The following NKAIN2 variants were observed in gnomAD, a reference collection of about 807,000 sequenced individuals.
NKAIN2 encodes sodium/potassium transporting ATPase interacting 2.
A neutral mutation model predicts 32.6 loss-of-function variants in NKAIN2; 14 were observed. That is an observed-to-expected ratio of 0.43 (90% confidence interval 0.28 to 0.67). NKAIN2 has a LOEUF of 0.67. Ranked by LOEUF, NKAIN2 falls within the 30% of genes least tolerant of loss-of-function variation. The pLI is 0.17. For synonymous variants in NKAIN2, 80 were observed against 87.2 expected (o/e 0.92, Z 0.46); for missense variants, 198 against 258.3 (o/e 0.77, Z 1.60).
At chr6:124,592,483 A>G (rs1781947210) in intron 3 of NKAIN2, among the ~76,000 whole-genome samples, 1 of 152,164 alleles carries the variant, frequency 6.6e-6, no homozygotes, top group Non-Finnish European at 1.5e-5. Context: ...TCTTTTGCAT[A>G]ATTATTTTGA....
chr6:124,404,120 G>A (rs950075826), intron 3 of NKAIN2, among the ~76,000 whole-genome samples: 1 of 151,968 alleles, frequency 6.6e-6, no homozygotes, highest in African/African-American at 2.4e-5. Flanking sequence ...TGAGTCTTAG[G>A]ATAATTTTTA....
intron 3 of NKAIN2, among the ~76,000 whole-genome samples, chr6:124,582,167 G>A (rs1781547850): frequency 6.6e-6 from 1 of 151,432 alleles, no homozygotes; most frequent in Non-Finnish European, 1.5e-5. Context: ...AATAAAACCA[G>A]AGATAAAAAA....
chr6:124,320,819 C>G (rs190966122), intron 2 of NKAIN2, among the ~76,000 whole-genome samples: 1 of 152,290 alleles, frequency 6.6e-6, no homozygotes, highest in East Asian at 1.9e-4. Context: ...GCTGTGAAGA[C>G]TTTTTGGGTG....
At chr6:124,414,176 A>G (rs1774354714) in intron 3 of NKAIN2, among the ~76,000 whole-genome samples, 1 of 152,122 alleles carries the variant, frequency 6.6e-6, no homozygotes, top group Admixed American at 6.5e-5. Context: ...TTTTTGGTAA[A>G]TGCTCTTTAT....
intron 3 of NKAIN2, among the ~76,000 whole-genome samples, chr6:124,575,670 C>A (rs1781303274): frequency 6.6e-6 from 1 of 152,120 alleles, no homozygotes; most frequent in African/African-American, 2.4e-5. Context: ...TTGCTTAGGC[C>A]AGTGAAAACT....
At chr6:124,528,381 A>G (rs1779398183) in intron 3 of NKAIN2, among the ~76,000 whole-genome samples, 1 of 152,182 alleles carries the variant, frequency 6.6e-6, no homozygotes, top group Admixed American at 6.5e-5. Flanking sequence ...TGGGTCACAT[A>G]CTGTAGTGCA....
intron 3 of NKAIN2, among the ~76,000 whole-genome samples, chr6:124,421,074 TAAAA>T (rs35625714): frequency 0.048 from 6,402 of 133,744 alleles, 239 homozygotes; most frequent in Non-Finnish European, 0.069. Context: ...CTGTCAAAAT[TAAAA>T]AAAAAAAAAA....
At chr6:124,134,468 A>G (rs902832840) in intron 1 of NKAIN2, among the ~76,000 whole-genome samples, 2 of 152,116 alleles carry the variant, frequency 1.3e-5, no homozygotes, top group African/African-American at 4.8e-5. Flanking sequence ...GGTGGATCAC[A>G]TGCTCAGGAG....
intron 1 of NKAIN2, among the ~76,000 whole-genome samples, chr6:123,974,686 T>G (rs1778477651): frequency 6.6e-6 from 1 of 152,130 alleles, no homozygotes; most frequent in African/African-American, 2.4e-5. Context: ...CATAGAAAGG[T>G]CAGCTAACAC....
chr6:123,994,084 G>A (rs1361955551), intron 1 of NKAIN2, among the ~76,000 whole-genome samples: 1 of 152,100 alleles, frequency 6.6e-6, no homozygotes, highest in Admixed American at 6.6e-5. Flanking sequence ...GTTTTCTACT[G>A]AGAGTAGAAT....
intron 1 of NKAIN2, among the ~76,000 whole-genome samples, chr6:123,961,817 T>C (rs1777865931): frequency 1.3e-5 from 2 of 152,176 alleles, no homozygotes; most frequent in Non-Finnish European, 2.9e-5. Context: ...CACAAACTTT[T>C]GGTGACTACA....
At chr6:124,810,384 C>CA in intron 5 of NKAIN2, among the ~76,000 whole-genome samples, 1 of 151,676 alleles carries the variant, frequency 6.6e-6, no homozygotes, top group Non-Finnish European at 1.5e-5. Context: ...ATCACAAGAA[C>CA]AAAAAACCAA....
intron 4 of NKAIN2, among the ~76,000 whole-genome samples, chr6:124,686,190 T>A (rs753241685): frequency 1.6e-4 from 25 of 152,160 alleles, no homozygotes; most frequent in Non-Finnish European, 3.2e-4. Context: ...ATATTGCAGC[T>A]TGTTTCTTGA....
chr6:124,579,549 G>A (rs1781449711), intron 3 of NKAIN2, among the ~76,000 whole-genome samples: 1 of 152,108 alleles, frequency 6.6e-6, no homozygotes, highest in African/African-American at 2.4e-5. Context: ...AATACACAGA[G>A]CAGACAAAAG....
At chr6:123,896,071 C>T (rs1424970700) in intron 1 of NKAIN2, among the ~76,000 whole-genome samples, 1 of 152,124 alleles carries the variant, frequency 6.6e-6, no homozygotes, top group Non-Finnish European at 1.5e-5. Flanking sequence ...ATCTCAGACA[C>T]GTAACATTAA....
intron 1 of NKAIN2, among the ~76,000 whole-genome samples, chr6:124,122,355 A>G (rs149803075): frequency 6.6e-6 from 1 of 152,232 alleles, no homozygotes; most frequent in Non-Finnish European, 1.5e-5. Context: ...ATAAGCAAGC[A>G]TATGTTCAAT....
chr6:124,411,862 A>C (rs572697478), intron 3 of NKAIN2, among the ~76,000 whole-genome samples: 1 of 152,084 alleles, frequency 6.6e-6, no homozygotes, highest in Non-Finnish European at 1.5e-5. Flanking sequence ...TCCATATTTC[A>C]TGGAGGCTTT....
At position 124,207,384 on chromosome 6, in the gene NKAIN2, A is replaced by C. The variant is rs1267757887; in HGVS notation, c.55-75621A>C. On this transcript the variant is annotated intron_variant, in intron 1 of 6. Transcript: ENST00000368417. ...AAGGGGCTCTTATCTTAATCTCTTTATAATTTTAAGGATACTTTCTAAATT... is the reference window on the plus strand; with the variant it reads ...AAGGGGCTCTTATCTTAATCTCTTTCTAATTTTAAGGATACTTTCTAAATT... Among the ~76,000 whole-genome samples, 16 of 151,406 alleles carry C rather than the reference A, an allele frequency of 1.1e-4. No homozygotes were observed. The Admixed American group carries it at 1.1e-3, about 10-fold the overall frequency.
At chr6:124,740,507 G>C (rs1777156852) in intron 4 of NKAIN2, among the ~76,000 whole-genome samples, 1 of 149,194 alleles carries the variant, frequency 6.7e-6, no homozygotes, top group South Asian at 2.1e-4. Flanking sequence ...AACTGAGCAT[G>C]GTACAGAAAC....
Sources: allele counts gnomAD v4.1 joint callset (sites outside exome capture counted in the v4.1 genomes callset), GRCh38; gene constraint gnomAD v4.1.1; transcripts MANE v1.5; gene names NCBI Gene and HGNC (gene_info 2026-07-23, HGNC 2026-07-21).